Variants in MCTP1 observed in about 807,000 individuals in gnomAD.
MCTP1 encodes the protein multiple C2 and transmembrane domain containing 1.
MCTP1 carries 69 observed loss-of-function variants against 120.6 expected under a neutral mutation model. The ratio of observed to expected loss-of-function variants is 0.57; its 90% CI spans 0.47 to 0.70. The LOEUF is 0.70. Among genes scored for constraint, MCTP1 ranks in the 30% least tolerant of loss-of-function variants. The probability of loss-of-function intolerance (pLI) is 0.00; values close to 1 mark genes in which losing one functional copy is unlikely to be tolerated. For missense variants in MCTP1, 1,203 were observed against 1,248.8 expected (o/e 0.96, Z 0.55); for synonymous variants, 529 against 493.1 (o/e 1.07, Z -0.96).
Position 95,234,654 on chromosome 5 carries a change from C to T in MCTP1, c.720+49202G>A, listed in dbSNP as rs553201820. On this transcript the variant is annotated intron_variant, in intron 1 of 22. Coordinates refer to ENST00000515393, the MANE Select transcript of MCTP1 (RefSeq NM_024717.7). ...TAAACATAGATATTTAAAACTTATC[C>T]GTGACATTATTACACATTCTATAAA... Among the ~76,000 whole-genome samples, 31 of 152,060 alleles carry T rather than the reference C, an allele frequency of 2.0e-4. No homozygotes were observed. The South Asian group carries it at 4.8e-3, about 23-fold the overall frequency.
At chr5:95,074,194 G>T (rs1752975773) in intron 1 of MCTP1, among the ~76,000 whole-genome samples, 1 of 152,248 alleles carries the variant, frequency 6.6e-6, no homozygotes. Flanking sequence ...GCGTAGGCCT[G>T]GGTACATGTA....
chr5:95,232,622 C>T (rs1755095082), intron 1 of MCTP1, among the ~76,000 whole-genome samples: 1 of 151,872 alleles, frequency 6.6e-6, no homozygotes, highest in African/African-American at 2.4e-5. Flanking sequence ...CCACACCCAG[C>T]TAATTTTTTT....
At chr5:95,130,847 A>T (rs570459234) in intron 1 of MCTP1, among the ~76,000 whole-genome samples, 1 of 152,322 alleles carries the variant, frequency 6.6e-6, no homozygotes, top group East Asian at 1.9e-4. Flanking sequence ...TTAGGACTTC[A>T]ACATATGAAT....
At chr5:95,059,925 T>C (rs1400374308) in intron 1 of MCTP1, among the ~76,000 whole-genome samples, 2 of 152,058 alleles carry the variant, frequency 1.3e-5, no homozygotes, top group Non-Finnish European at 2.9e-5. Flanking sequence ...TTCTAGTCCA[T>C]AAACCCAGGA....
At chr5:94,832,025 G>C (rs1273278731) in intron 17 of MCTP1, among the ~76,000 whole-genome samples, 2 of 152,180 alleles carry the variant, frequency 1.3e-5, no homozygotes, top group Non-Finnish European at 2.9e-5. Context: ...TAGCAACCTA[G>C]GACAAGCTTC....
At chr5:94,846,229 T>C (rs1159291410) in intron 17 of MCTP1, among the ~76,000 whole-genome samples, 2 of 152,244 alleles carry the variant, frequency 1.3e-5, no homozygotes, top group East Asian at 3.9e-4. Flanking sequence ...CTGTTTACAA[T>C]AGCAAAGACA....
intron 1 of MCTP1, among the ~76,000 whole-genome samples, chr5:95,072,081 C>CTGTGTGTGTGTGTGTGTGTGTGTGTG (rs56135843): frequency 2.3e-4 from 33 of 143,882 alleles, no homozygotes; most frequent in African/African-American, 8.3e-4. Flanking sequence ...GCCAATTTTC[C>CTGTGTGTGTGTGTGTGTGTGTGTGTG]TGTGTGTGTG....
chr5:94,742,148 C>T (rs1765662300), intron 19 of MCTP1, among the ~76,000 whole-genome samples: 1 of 152,094 alleles, frequency 6.6e-6, no homozygotes, highest in Non-Finnish European at 1.5e-5. Context: ...AAATGATGCT[C>T]GAACCCATCT....
At chr5:94,964,738 G>A (rs1825186154) in intron 2 of MCTP1, among the ~76,000 whole-genome samples, 2 of 152,080 alleles carry the variant, frequency 1.3e-5, no homozygotes, top group South Asian at 4.2e-4. Flanking sequence ...GTCCTTAAAG[G>A]TGAAGTAAGT....
intron 1 of MCTP1, among the ~76,000 whole-genome samples, chr5:95,108,398 C>T (rs149262624): frequency 5.9e-5 from 9 of 152,046 alleles, no homozygotes; most frequent in African/African-American, 2.2e-4. Context: ...CACAGAGCAA[C>T]CTCACAAAGT....
chr5:94,903,194 G>T, intron 10 of MCTP1, among the ~76,000 whole-genome samples: 1 of 151,726 alleles, frequency 6.6e-6, no homozygotes. Flanking sequence ...ACTCTCTTCA[G>T]TTTAGAATTT....
chr5:94,866,558 T>C (rs1003373086), intron 17 of MCTP1, among the ~76,000 whole-genome samples: 3 of 151,672 alleles, frequency 2.0e-5, no homozygotes, highest in South Asian at 2.1e-4. Context: ...TTTTTTTTTT[T>C]TTTGCAAGCC....
chr5:95,035,669 T>G (rs577270464), intron 1 of MCTP1, among the ~76,000 whole-genome samples: 1 of 152,094 alleles, frequency 6.6e-6, no homozygotes, highest in African/African-American at 2.4e-5. Flanking sequence ...ACACCAGTAT[T>G]ATACAATACA....
intron 19 of MCTP1, 89 bp downstream of exon 19, chr5:94,779,021 T>C: frequency 8.2e-7 from 1 of 1,217,626 alleles, no homozygotes; most frequent in South Asian, 1.2e-5. Flanking sequence ...ACTCAAACAC[T>C]TCAACTCCTT....
chr5:94,894,101 A>G (rs1054148432), intron 11 of MCTP1, among the ~76,000 whole-genome samples: 4 of 152,198 alleles, frequency 2.6e-5, no homozygotes, highest in African/African-American at 4.8e-5. Flanking sequence ...ATTCCATACT[A>G]TCGTTCCACA....
Position 94,915,423 on chromosome 5 carries a change from A to ATT in MCTP1, c.1351-2449_1351-2448dup, listed in dbSNP as rs1809790464. ...CACTTAAGTGGCAAGCACATGGCTA[A>ATT]TTCATGAAATTGTCTTTTACTTTTC... On this transcript the variant is annotated intron_variant, in intron 8 of 22. Coordinates refer to ENST00000515393, the MANE Select transcript of MCTP1 (RefSeq NM_024717.7). 2.0e-5 allele frequency among the ~76,000 whole-genome samples: 3 copies of ATT among 152,332 alleles called. No individual in the cohort carries two copies. The South Asian group carries it at 6.2e-4, about 32-fold the overall frequency.
intron 1 of MCTP1, among the ~76,000 whole-genome samples, chr5:95,062,826 TG>T (rs1186393748): frequency 1.3e-5 from 2 of 152,156 alleles, no homozygotes; most frequent in Non-Finnish European, 2.9e-5. Context: ...TTTGTTGTTT[TG>T]TTTTTTTTGA....
rs901855062 is a variant in MCTP1 at position 94,706,691 on chromosome 5, G to A, written c.*805C>T. 1 of 151,110 alleles carries A rather than the reference G, an allele frequency of 6.6e-6. No individual in the cohort carries two copies. Among genetic ancestry groups the A allele is most frequent in the Admixed American group, 6.6e-5 (1 of 15,114 alleles). The allele number at this position is 151,110 out of a possible 1,614,324, so 9.4% of individuals were successfully genotyped here. A position where few individuals can be genotyped will look rare whatever the true frequency, so the allele number is the denominator to read the frequency against. On this transcript the variant is annotated 3_prime_UTR_variant, in exon 23 of 23. Coordinates refer to ENST00000515393, the MANE Select transcript of MCTP1 (RefSeq NM_024717.7). ...TAGTTTCCTAGTATTTTTGATAACT[G>A]TACTTACTGGGTTGCTAATTTGCTA... is the stretch of plus-strand genomic sequence containing the variant.
chr5:95,049,791 T>C (rs1490181182), intron 1 of MCTP1, among the ~76,000 whole-genome samples: 1 of 152,150 alleles, frequency 6.6e-6, no homozygotes, highest in Non-Finnish European at 1.5e-5. Context: ...CTGGAAAGAA[T>C]CTACTTCCCT....
Sources: allele counts gnomAD v4.1 joint callset (sites outside exome capture counted in the v4.1 genomes callset), GRCh38; gene constraint gnomAD v4.1.1; transcripts MANE v1.5; gene names NCBI Gene and HGNC (gene_info 2026-07-23, HGNC 2026-07-21).